Variants in IPO5 observed in about 807,000 individuals in gnomAD.
IPO5 encodes importin-5.
IPO5 carries 18 observed loss-of-function variants against 143.3 expected under a neutral mutation model. The ratio of observed to expected loss-of-function variants is 0.13; its 90% CI spans 0.09 to 0.19. The LOEUF (loss-of-function observed/expected upper bound fraction) is 0.19. Ranked by LOEUF, IPO5 falls within the 10% of genes least tolerant of loss-of-function variation. The probability of loss-of-function intolerance (pLI) is 1.00; values close to 1 mark genes in which losing one functional copy is unlikely to be tolerated. For missense variants in IPO5, 1,013 were observed against 1,336.9 expected (o/e 0.76, Z 3.78); for synonymous variants, 477 against 465.7 (o/e 1.02, Z -0.31).
chr13:97,989,611 C>G (rs1887655657), intron 7 of IPO5, among the ~76,000 whole-genome samples: 1 of 152,114 alleles, frequency 6.6e-6, no homozygotes, highest in Non-Finnish European at 1.5e-5. Flanking sequence ...ACCAAATAGT[C>G]TAAGTTTAGA....
chr13:97,976,837 C>T (rs1482271974), intron 4 of IPO5, 51 bp downstream of exon 4: 1 of 797,666 alleles, frequency 1.3e-6, no homozygotes. Context: ...CGCGCCGACC[C>T]TTTACCGACG....
At chr13:97,984,213 C>T (rs1426814505) in intron 5 of IPO5, among the ~76,000 whole-genome samples, 4 of 151,604 alleles carry the variant, frequency 2.6e-5, no homozygotes, top group Admixed American at 6.6e-5. Flanking sequence ...CTCCTGACCT[C>T]GTGATCCGCC....
chr13:97,978,531 C>T (rs1886579750), intron 4 of IPO5, among the ~76,000 whole-genome samples: 1 of 151,804 alleles, frequency 6.6e-6, no homozygotes, highest in Non-Finnish European at 1.5e-5. Context: ...AAGTGATATG[C>T]ATGTATTGCA....
At chr13:97,970,094 G>A (rs899105939) in intron 3 of IPO5, among the ~76,000 whole-genome samples, 13 of 151,858 alleles carry the variant, frequency 8.6e-5, no homozygotes, top group Non-Finnish European at 1.9e-4. Context: ...CTGCCCAATC[G>A]AAATATAATA....
intron 20 of IPO5, among the ~76,000 whole-genome samples, chr13:98,012,020 CT>C (rs941288485): frequency 1.3e-3 from 187 of 145,888 alleles, no homozygotes; most frequent in African/African-American, 3.1e-3. Context: ...CAATAATTTC[CT>C]TTTTTTTTTT....
intron 20 of IPO5, 74 bp downstream of exon 20, chr13:98,010,298 T>C: frequency 7.4e-7 from 1 of 1,347,660 alleles, no homozygotes; most frequent in Admixed American, 2.3e-5. Context: ...TTTTAATAGC[T>C]GCTAAAGAAA....
At chr13:97,959,756 C>T (rs972521019) in intron 2 of IPO5, among the ~76,000 whole-genome samples, 1 of 151,958 alleles carries the variant, frequency 6.6e-6, no homozygotes, top group African/African-American at 2.4e-5. Context: ...GACTGTGTCC[C>T]TAGGGTATGA....
At chr13:97,992,618 G>T (rs1887896168) in intron 9 of IPO5, among the ~76,000 whole-genome samples, 1 of 152,146 alleles carries the variant, frequency 6.6e-6, no homozygotes. Flanking sequence ...TAATTCCTTG[G>T]TAGCCTTAAG....
chr13:97,994,261 C>G (rs1364381967), intron 11 of IPO5, among the ~76,000 whole-genome samples: 2 of 152,040 alleles, frequency 1.3e-5, no homozygotes, highest in Admixed American at 1.3e-4. Context: ...TGAGCCCAGA[C>G]CATGCCATTG....
chr13:97,957,970 G>A (rs1884574634), intron 2 of IPO5, among the ~76,000 whole-genome samples: 2 of 152,056 alleles, frequency 1.3e-5, no homozygotes, highest in Non-Finnish European at 2.9e-5. Flanking sequence ...GGGTGACAGA[G>A]TGAGACAGAA....
At chr13:98,014,703 G>A (rs1019159084) in intron 22 of IPO5, among the ~76,000 whole-genome samples, 1 of 152,134 alleles carries the variant, frequency 6.6e-6, no homozygotes, top group African/African-American at 2.4e-5. Flanking sequence ...GCAGCAGCAT[G>A]GAAGCATGCA....
chr13:97,998,635 G>A (rs1888500272), intron 12 of IPO5, among the ~76,000 whole-genome samples: 1 of 152,114 alleles, frequency 6.6e-6, no homozygotes. Context: ...AGTAATGATG[G>A]CCCCTTACAT....
At chr13:98,020,374 T>TA (rs1366009463) in intron 27 of IPO5, among the ~76,000 whole-genome samples, 2 of 152,092 alleles carry the variant, frequency 1.3e-5, no homozygotes, top group African/African-American at 2.4e-5. Flanking sequence ...TCTCCATACT[T>TA]GTTTAAGTTC....
chr13:98,010,038 C>A, intron 19 of IPO5, 25 bp downstream of exon 19: 1 of 1,613,368 alleles, frequency 6.2e-7, no homozygotes, highest in Non-Finnish European at 8.5e-7. Context: ...AAGGAGCTAT[C>A]GGTTATAATA....
intron 16 of IPO5, among the ~76,000 whole-genome samples, 182 bp from the exon 17 acceptor site, chr13:98,005,948 T>G (rs1373471100): frequency 6.6e-6 from 1 of 152,144 alleles, no homozygotes; most frequent in African/African-American, 2.4e-5. Context: ...CTCACATAAA[T>G]AGTTCAACAT....
chr13:98,007,581 A>T (rs113547046), intron 17 of IPO5: 1 of 152,376 alleles, frequency 6.6e-6, no homozygotes, highest in African/African-American at 2.4e-5. Context: ...TGACCACTAA[A>T]ACATTGGTAT....
Position 98,021,814 on chromosome 13 carries a change from T to G in IPO5, c.3286T>G (p.Ser1096Ala), listed in dbSNP as rs549930402. 1 of 1,600,368 alleles carries G rather than the reference T, an allele frequency of 6.2e-7. No individual in the cohort carries two copies. Among genetic ancestry groups the G allele is most frequent in the African/African-American group, 1.3e-5 (1 of 74,870 alleles). The change falls in exon 29 of 29, where the codon TCT becomes GCT. Residue 1096 changes from serine (S) to alanine (A), a missense_variant. Physicochemically the swap from Ser to Ala is moderately conservative, Grantham distance 99. Transcript: ENST00000651721. ...GGCCGCCATTCAGGAGCTCCTGAAC[T>G]CTGCGTGAAGGGCCTTAATGTCACC... The part of the protein sequence containing the change: ...QQAAIQELLN[S>A]A
At chr13:97,961,065 T>G (rs1480099604) in intron 2 of IPO5, among the ~76,000 whole-genome samples, 1 of 152,036 alleles carries the variant, frequency 6.6e-6, no homozygotes, top group Non-Finnish European at 1.5e-5. Flanking sequence ...TTCCCATAAG[T>G]GGGACCAAAA....
chr13:97,977,730 A>G (rs1437887770), intron 4 of IPO5, among the ~76,000 whole-genome samples: 1 of 152,170 alleles, frequency 6.6e-6, no homozygotes, highest in African/African-American at 2.4e-5. Context: ...CAGCGTTGAG[A>G]CCACGATTCT....
Sources: gnomAD v4.1 joint callset for allele counts (sites outside exome capture counted in the v4.1 genomes callset) on GRCh38, gnomAD v4.1.1 for gene constraint, MANE v1.5 for transcripts, NCBI Gene and HGNC (gene_info 2026-07-23, HGNC 2026-07-21) for gene names.